Variants in FZD9 observed in about 807,000 individuals in gnomAD.
FZD9 encodes the protein frizzled-9.
A neutral mutation model predicts 29.9 loss-of-function variants in FZD9; 29 were observed. That is an observed-to-expected ratio of 0.97 (90% confidence interval 0.72 to 1.32). The LOEUF (loss-of-function observed/expected upper bound fraction) is 1.32. FZD9 is among the 40% of genes most tolerant of loss of function. The pLI, the probability that FZD9 is intolerant of heterozygous loss-of-function variation, is 0.00. For synonymous variants in FZD9, 384 were observed against 393.9 expected, an observed-to-expected ratio of 0.97 and a Z score of 0.30; for missense variants, 822 against 857.8, an observed-to-expected ratio of 0.96 and a Z score of 0.52.
chr7:73,434,198 C>A lies in FZD9; in HGVS notation c.191C>A (p.Thr64Lys). ...CGCATGCCCAACCTGCTGGGCCACA[C>A]GTCGCAGGGCGAGGCGGCTGCCGAG... ...LTRMPNLLGH[T>K]SQGEAAAELA... is the part of the protein sequence containing the mutation. Residue 64 changes from threonine (T) to lysine (K), a missense_variant, in exon 1 of 1, where the codon ACG (threonine) becomes AAG (lysine). Thr to Lys is a moderately conservative substitution (Grantham distance 78). Transcript: ENST00000344575. 6.4e-7 allele frequency: 1 copy of A among 1,573,468 alleles called. No homozygotes were observed. Among genetic ancestry groups the A allele is most frequent in the Non-Finnish European group, 8.6e-7 (1 of 1,166,938 alleles).
In FZD9 at chr7:73,434,120, C is replaced by G. The variant is rs559302614; in HGVS notation, c.113C>G (p.Pro38Arg). 4.7e-6 allele frequency: 7 copies of G among 1,502,888 alleles called. No individual in the cohort carries two copies. Among genetic ancestry groups the G allele is most frequent in the Non-Finnish European group, 6.2e-6 (7 of 1,134,788 alleles). The allele number at this position is 1,502,888 out of a possible 1,614,324, so 93.1% of individuals were successfully genotyped here. ...FDPERGRGAAPCQAVEIPMCR... is the reference protein window; with the variant it reads ...FDPERGRGAARCQAVEIPMCR... Reference sequence around the variant, plus strand: ...CCGGAGCGCGGGCGCGGGGCTGCGCCGTGCCAGGCGGTGGAGATCCCCATG... The same window carrying G: ...CCGGAGCGCGGGCGCGGGGCTGCGCGGTGCCAGGCGGTGGAGATCCCCATG... Residue 38 changes from proline (P) to arginine (R), a missense_variant, in exon 1 of 1, where the codon CCG becomes CGG. Pro to Arg is a moderately radical substitution (Grantham distance 103). Transcript: ENST00000344575.
Position 73,434,517 on chromosome 7 carries a change from G to A in FZD9, c.510G>A (p.Leu170=). ...GCCCCGCGGAGCCCCACAAGGGCCT[G>A]GGCATGCTGCCCGTGGCGCCGCGGC... is the stretch of plus-strand genomic sequence containing the variant. ...TAGPAEPHKG[L]GMLPVAPRPA... is the part of the protein sequence containing the mutation. The change falls in exon 1 of 1, where the codon CTG becomes CTA. Residue 170 remains leucine, a synonymous_variant. Coordinates refer to ENST00000344575, the MANE Select transcript of FZD9 (RefSeq NM_003508.3). 1 of 1,445,574 alleles carries A rather than the reference G, an allele frequency of 6.9e-7. No individual in the cohort carries two copies. The highest frequency in any genetic ancestry group is 9.0e-7 in the Non-Finnish European group (1 of 1,110,976). The allele number at this position is 1,445,574 out of a possible 1,614,324, so 89.5% of individuals were successfully genotyped here. A position where few individuals can be genotyped will look rare whatever the true frequency, so the allele number is the denominator to read the frequency against.
At position 73,434,873 on chromosome 7, in the gene FZD9, C is replaced by T. The variant is rs782039651; in HGVS notation, c.866C>T (p.Ala289Val). Residue 289 changes from alanine to valine, a missense_variant, in exon 1 of 1, where the codon GCG becomes GTG. Coordinates refer to ENST00000344575, the MANE Select transcript of FZD9 (RefSeq NM_003508.3). ...TTCCTGATCCGTGCGGTGGCCGGAGCGCAGAGCGTGGCCTGTGACCAGGAG... is the reference window on the plus strand; with the variant it reads ...TTCCTGATCCGTGCGGTGGCCGGAGTGCAGAGCGTGGCCTGTGACCAGGAG... The part of the protein sequence containing the change: ...LAFLIRAVAG[A>V]QSVACDQEAG... 6.2e-7 allele frequency: 1 copy of T among 1,613,506 alleles called. No homozygotes were observed. Among genetic ancestry groups the T allele is most frequent in the South Asian group, 1.1e-5 (1 of 91,082 alleles).
rs1176063495 is a variant in FZD9 at position 73,435,726 on chromosome 7, C to G, written c.1719C>G (p.Thr573=). The stretch of plus-strand genomic sequence containing the variant: ...CGCACTGCCACTATAAGGCTCCCAC[C>G]GTGGTCTTGCACATGACTAAGACGG... ...RGTHCHYKAP[T]VVLHMTKTDP... The change falls in exon 1 of 1, where the codon ACC becomes ACG. Residue 573 remains threonine, a synonymous_variant. Transcript: ENST00000344575. The G allele has an allele frequency of 1.2e-6, 2 of 1,611,440 alleles. No individual in the cohort carries two copies. Among genetic ancestry groups the G allele is most frequent in the African/African-American group, 2.7e-5 (2 of 74,908 alleles).
Position 73,435,626 on chromosome 7 carries a change from T to C in FZD9, c.1619T>C (p.Leu540Pro). ...SSKTFQTWQSLCYRKIAAGRA... is the reference protein window; with the variant it reads ...SSKTFQTWQSPCYRKIAAGRA... ...AAGACTTTCCAGACCTGGCAGAGCCTGTGCTACCGCAAGATAGCAGCTGGC... is the reference window on the plus strand; with the variant it reads ...AAGACTTTCCAGACCTGGCAGAGCCCGTGCTACCGCAAGATAGCAGCTGGC... The change falls in exon 1 of 1, where the codon CTG (leucine) becomes CCG (proline). Residue 540 changes from leucine (L) to proline (P), a missense_variant. Transcript: ENST00000344575. 2.5e-6 allele frequency: 4 copies of C among 1,613,152 alleles called. No individual in the cohort carries two copies. Among genetic ancestry groups the C allele is most frequent in the Non-Finnish European group, 3.4e-6 (4 of 1,179,850 alleles).
rs114148192 is a variant in FZD9 at position 73,434,214 on chromosome 7, G to A, written c.207G>A (p.Ala69=). 1,500 of 1,575,180 alleles carry A rather than the reference G, an allele frequency of 9.5e-4. 12 individuals are homozygous for A. The African/African-American group carries it at 0.018, about 19-fold the overall frequency. The change falls in exon 1 of 1, where the codon GCG becomes GCA. Residue 69 remains alanine (A), a synonymous_variant. Transcript: ENST00000344575. ...NLLGHTSQGE[A]AAELAEFAPL... ...TGGGCCACACGTCGCAGGGCGAGGC[G>A]GCTGCCGAGCTAGCGGAGTTCGCGC...
chr7:73,435,082 C>A lies in FZD9; in HGVS notation c.1075C>A (p.His359Asn). Residue 359 changes from histidine (H) to asparagine (N), a missense_variant, in exon 1 of 1, where the codon CAC becomes AAC. Physicochemically the swap from His to Asn is moderately conservative, Grantham distance 68. Transcript: ENST00000344575. ...CATCGAGGCCCACGGCAGCTATTTCCACATGGCTGCCTGGGGCCTGCCCGC... is the reference window on the plus strand; with the variant it reads ...CATCGAGGCCCACGGCAGCTATTTCAACATGGCTGCCTGGGGCCTGCCCGC... ...EAIEAHGSYFHMAAWGLPALK... is the reference protein window; with the variant it reads ...EAIEAHGSYFNMAAWGLPALK... 1 of 1,612,550 alleles carries A rather than the reference C, an allele frequency of 6.2e-7. No individual in the cohort carries two copies. The highest frequency in any genetic ancestry group is 8.5e-7 in the Non-Finnish European group (1 of 1,179,442).
Position 73,434,272 on chromosome 7 carries a change from C to T in FZD9, c.265C>T (p.Arg89Cys), listed in dbSNP as rs782634341. 3 of 1,588,024 alleles carry T rather than the reference C, an allele frequency of 1.9e-6. No individual in the cohort carries two copies. Among genetic ancestry groups the T allele is most frequent in the Non-Finnish European group, 2.6e-6 (3 of 1,173,942 alleles). Residue 89 changes from arginine to cysteine, a missense_variant, in exon 1 of 1, where the codon CGC becomes TGC. Coordinates refer to ENST00000344575, the MANE Select transcript of FZD9 (RefSeq NM_003508.3). The part of the protein sequence containing the change: ...LVQYGCHSHL[R>C]FFLCSLYAPM... ...GCAGTACGGCTGCCACAGCCACCTGCGCTTCTTCCTGTGCTCGCTCTACGC... is the reference window on the plus strand; with the variant it reads ...GCAGTACGGCTGCCACAGCCACCTGTGCTTCTTCCTGTGCTCGCTCTACGC...
In FZD9 at chr7:73,435,798, C is replaced by T. The variant is rs1237788129; in HGVS notation, c.*15C>T. ...CACACCTCTAGCCACACAGGCCTGG[C>T]GCGGGGTGGCTGCTGCCCCCTCCTT... On this transcript the variant is annotated 3_prime_UTR_variant, in exon 1 of 1. Transcript: ENST00000344575. 1.9e-6 allele frequency: 3 copies of T among 1,553,824 alleles called. No individual in the cohort carries two copies. The highest frequency in any genetic ancestry group is 2.6e-6 in the Non-Finnish European group (3 of 1,147,320).
chr7:73,434,510 A>G lies in FZD9; in HGVS notation c.503A>G (p.Lys168Arg). ...ACGGCCGGCCCCGCGGAGCCCCACA[A>G]GGGCCTGGGCATGCTGCCCGTGGCG... ...NATAGPAEPH[K>R]GLGMLPVAPR... Residue 168 changes from lysine (K) to arginine (R), a missense_variant, in exon 1 of 1, where the codon AAG becomes AGG. Physicochemically the swap from Lys to Arg is conservative, Grantham distance 26. Coordinates refer to ENST00000344575, the MANE Select transcript of FZD9 (RefSeq NM_003508.3). The G allele has an allele frequency of 6.8e-7, 1 of 1,465,568 alleles. No individual in the cohort carries two copies. The highest frequency in any genetic ancestry group is 8.9e-7 in the Non-Finnish European group (1 of 1,117,460). The allele number at this position is 1,465,568 out of a possible 1,614,324, so 90.8% of individuals were successfully genotyped here. A position where few individuals can be genotyped will look rare whatever the true frequency, so the allele number is the denominator to read the frequency against.
Position 73,435,941 on chromosome 7 carries a change from T to A in FZD9, c.*158T>A, listed in dbSNP as rs1787415549. 32 of 964,976 alleles carry A rather than the reference T, an allele frequency of 3.3e-5. No homozygotes were observed. In the South Asian group the frequency reaches 5.3e-4, roughly 16 times the overall value. The allele number at this position is 964,976 out of a possible 1,614,324, so 59.8% of individuals were successfully genotyped here. ...GGATCAGGGCGGGACCCCGTGAGGCTCATTAGGGGAGATGGGGGTCTCCCC... is the reference window on the plus strand; with the variant it reads ...GGATCAGGGCGGGACCCCGTGAGGCACATTAGGGGAGATGGGGGTCTCCCC... On this transcript the variant is annotated 3_prime_UTR_variant, in exon 1 of 1. Transcript: ENST00000344575.
Position 73,435,805 on chromosome 7 carries a change from T to C in FZD9, c.*22T>C, listed in dbSNP as rs1583873505. On this transcript the variant is annotated 3_prime_UTR_variant, in exon 1 of 1. Transcript: ENST00000344575. ...CTAGCCACACAGGCCTGGCGCGGGG[T>C]GGCTGCTGCCCCCTCCTTGCCCTCC... 1 of 1,548,944 alleles carries C rather than the reference T, an allele frequency of 6.5e-7. No homozygotes were observed. Among genetic ancestry groups the C allele is most frequent in the African/African-American group, 1.4e-5 (1 of 73,264 alleles).
Position 73,435,211 on chromosome 7 carries a change from G to A in FZD9, c.1204G>A (p.Val402Met), listed in dbSNP as rs1554563549. Reference protein sequence around the residue: ...STDAAALTGFVLVPLSGYLVL... With the variant: ...STDAAALTGFMLVPLSGYLVL... ...GGATGCAGCAGCGCTCACGGGCTTC[G>A]TGCTGGTGCCCCTCTCTGGCTACCT... The change falls in exon 1 of 1, where the codon GTG (valine) becomes ATG (methionine). Residue 402 changes from valine (V) to methionine (M), a missense_variant. Coordinates refer to ENST00000344575, the MANE Select transcript of FZD9 (RefSeq NM_003508.3). 1 of 1,613,424 alleles carries A rather than the reference G, an allele frequency of 6.2e-7. No homozygotes were observed. Among genetic ancestry groups the A allele is most frequent in the Non-Finnish European group, 8.5e-7 (1 of 1,180,022 alleles).
In FZD9 at chr7:73,433,905, A is replaced by T. The variant is rs1787341300; in HGVS notation, c.-103A>T. Reference sequence around the variant, plus strand: ...CCGGACACACGTGGGCGGCTCAGCGATGGCCCGCGCCCCGCGACGTGGCGG... The same window carrying T: ...CCGGACACACGTGGGCGGCTCAGCGTTGGCCCGCGCCCCGCGACGTGGCGG... On this transcript the variant is annotated 5_prime_UTR_variant, in exon 1 of 1. It removes an upstream start codon present in the reference 5' UTR. Coordinates refer to ENST00000344575, the MANE Select transcript of FZD9 (RefSeq NM_003508.3). The T allele has an allele frequency of 8.6e-6, 8 of 928,970 alleles. No homozygotes were observed. Among genetic ancestry groups the T allele is most frequent in the Non-Finnish European group, 1.0e-5 (8 of 764,026 alleles). The allele number at this position is 928,970 out of a possible 1,614,324, so 57.5% of individuals were successfully genotyped here.
At position 73,435,813 on chromosome 7, in the gene FZD9, G is replaced by GC; in HGVS notation, c.*35dup. 1 of 1,542,496 alleles carries GC rather than the reference G, an allele frequency of 6.5e-7. No homozygotes were observed. Among genetic ancestry groups the GC allele is most frequent in the Non-Finnish European group, 8.8e-7 (1 of 1,142,580 alleles). On this transcript the variant is annotated 3_prime_UTR_variant, in exon 1 of 1. Transcript: ENST00000344575. ...ACAGGCCTGGCGCGGGGTGGCTGCT[G>GC]CCCCCTCCTTGCCCTCCACGCCCTG...
rs782436128 is a variant in FZD9 at position 73,435,663 on chromosome 7, C to A, written c.1656C>A (p.Ala552=). ...AGATAGCAGCTGGCCGGGCCCGGGC[C>A]AAGGCCTGCCGCGCCCCCGGGAGCT... is the stretch of plus-strand genomic sequence containing the variant. The part of the protein sequence containing the change: ...YRKIAAGRAR[A]KACRAPGSYG... The change falls in exon 1 of 1, where the codon GCC becomes GCA. Residue 552 remains alanine (A), a synonymous_variant. Transcript: ENST00000344575. 5 of 1,613,132 alleles carry A rather than the reference C, an allele frequency of 3.1e-6. No homozygotes were observed. In the South Asian group the frequency reaches 5.5e-5, roughly 18 times the overall value.
Position 73,436,027 on chromosome 7 carries a change from C to T in FZD9, c.*244C>T, listed in dbSNP as rs1787417258. On this transcript the variant is annotated 3_prime_UTR_variant, in exon 1 of 1. Coordinates refer to ENST00000344575, the MANE Select transcript of FZD9 (RefSeq NM_003508.3). ...GGTCCTAGTGGAGGATGTGGAGGGGCGGGGCAGAGGGGTCCAGCCGGAGTT... is the reference window on the plus strand; with the variant it reads ...GGTCCTAGTGGAGGATGTGGAGGGGTGGGGCAGAGGGGTCCAGCCGGAGTT... 6.3e-6 allele frequency: 3 copies of T among 479,168 alleles called. No homozygotes were observed. The highest frequency in any genetic ancestry group is 5.0e-5 in the South Asian group (1 of 20,048). The allele number at this position is 479,168 out of a possible 1,614,324, so 29.7% of individuals were successfully genotyped here. A position where few individuals can be genotyped will look rare whatever the true frequency, so the allele number is the denominator to read the frequency against.
Position 73,434,798 on chromosome 7 carries a change from AGC to A in FZD9, c.794_795del (p.Arg265ProfsTer30). Reference sequence around the variant, plus strand: ...GAGCCCCACCGCTTCCAGTACCCCGAGCGCCCCATCATCTTCCTCTCCATGTG... The same window carrying A: ...GAGCCCCACCGCTTCCAGTACCCCGAGCCCCATCATCTTCCTCTCCATGTG... On this transcript the variant is annotated frameshift_variant, in exon 1 of 1. Coordinates refer to ENST00000344575, the MANE Select transcript of FZD9 (RefSeq NM_003508.3). LOFTEE classifies it high-confidence loss of function. The A allele has an allele frequency of 3.7e-6, 6 of 1,612,752 alleles. No homozygotes were observed. Among genetic ancestry groups the A allele is most frequent in the Non-Finnish European group, 5.1e-6 (6 of 1,179,934 alleles).
rs1787369463 is a variant in FZD9 at position 73,434,642 on chromosome 7, C to T, written c.635C>T (p.Ala212Val). The T allele has an allele frequency of 1.6e-5, 25 of 1,597,106 alleles. No individual in the cohort carries two copies. Among genetic ancestry groups the T allele is most frequent in the Non-Finnish European group, 2.0e-5 (23 of 1,178,068 alleles). The change falls in exon 1 of 1, where the codon GCA becomes GTA. Residue 212 changes from alanine to valine, a missense_variant. By Grantham distance (64) the Ala-to-Val change is moderately conservative. Transcript: ENST00000344575. ...FQYVEKSRSC[A>V]PRCGPGVEVF... Reference sequence around the variant, plus strand: ...TACGTGGAGAAGAGCCGCTCGTGCGCACCGCGCTGCGGGCCCGGCGTCGAG... The same window carrying T: ...TACGTGGAGAAGAGCCGCTCGTGCGTACCGCGCTGCGGGCCCGGCGTCGAG...
Sources: gnomAD v4.1 joint callset for allele counts on GRCh38, gnomAD v4.1.1 for gene constraint, MANE v1.5 for transcripts, NCBI Gene and HGNC (gene_info 2026-07-23, HGNC 2026-07-21) for gene names.